ANXA11: variants seen among roughly 807,000 people sequenced by gnomAD.
The protein encoded by ANXA11 is 56 kDa autoantigen.
A neutral mutation model predicts 64.7 loss-of-function variants in ANXA11; 57 were observed. That is an observed-to-expected ratio of 0.88 (90% CI 0.71 to 1.10). ANXA11 has a LOEUF of 1.10. Among genes scored for constraint, ANXA11 ranks in the 50% least tolerant of loss-of-function variants. ANXA11 has a pLI of 0.00. For synonymous variants in ANXA11, 260 were observed against 265.2 expected (o/e 0.98, Z 0.19); for missense variants, 675 against 670.7 (o/e 1.01, Z -0.07).
chr10:80,174,311 C>T (rs368914197), intron 2 of ANXA11, among the ~76,000 whole-genome samples: 11 of 152,122 alleles, frequency 7.2e-5, no homozygotes, highest in African/African-American at 2.7e-4. Flanking sequence ...GGGTCTCACT[C>T]TGTAACCCAG....
intron 13 of ANXA11, 69 bp downstream of exon 13, chr10:80,159,031 G>T: frequency 8.3e-7 from 1 of 1,206,000 alleles, no homozygotes; most frequent in African/African-American, 1.5e-5. Flanking sequence ...TGGAGGACAG[G>T]CGAGCAGCCT....
At position 80,155,862 on chromosome 10, in the gene ANXA11, G is replaced by A; in HGVS notation, c.1509C>T (p.Gly503=). The A allele has an allele frequency of 1.9e-6, 3 of 1,614,186 alleles. No homozygotes were observed. In the South Asian group the frequency reaches 3.3e-5, roughly 18 times the overall value. The change falls in exon 16 of 16, where the codon GGC becomes GGT. Residue 503 remains glycine (G), a synonymous_variant. Transcript: ENST00000422982. Reference sequence around the variant, plus strand: ...AGCCACCAGTCACTGTTCAGTCATTGCCACCACAGATCTTCAGCAGAATCT... The same window carrying A: ...AGCCACCAGTCACTGTTCAGTCATTACCACCACAGATCTTCAGCAGAATCT... ...YRKILLKICG[G]ND
chr10:80,167,817 C>T (rs1356787697), intron 5 of ANXA11, among the ~76,000 whole-genome samples: 1 of 152,220 alleles, frequency 6.6e-6, no homozygotes, highest in Non-Finnish European at 1.5e-5. Context: ...TTCCCTCGCA[C>T]TGTTCTCTAG....
chr10:80,188,480 C>CATATATATATATATAT (rs71034291), intron 1 of ANXA11, among the ~76,000 whole-genome samples: 36 of 100,584 alleles, frequency 3.6e-4, no homozygotes, highest in East Asian at 6.7e-4. Context: ...AGTATTCTCA[C>CATATATATATATATAT]ATATATATAT....
chr10:80,184,986 T>C (rs761135092), intron 1 of ANXA11, among the ~76,000 whole-genome samples: 2 of 152,226 alleles, frequency 1.3e-5, no homozygotes, highest in Non-Finnish European at 2.9e-5. Context: ...TTATAACCTC[T>C]TCCTTCATTG....
At position 80,151,552 on chromosome 10, in the gene ANXA11, G is replaced by C. The variant is rs1165355558; in HGVS notation, c.*4301C>G. ...GGAAAGAGCCTACAGCAGAAATAAG[G>C]AGCCAGGTCCTAAGGTAGGGCTGTA... On this transcript the variant is annotated 3_prime_UTR_variant, in exon 16 of 16. Transcript: ENST00000422982. The C allele has an allele frequency of 6.6e-6, 1 of 152,162 alleles. No homozygotes were observed. The highest frequency in any genetic ancestry group is 1.5e-5 in the Non-Finnish European group (1 of 68,036). 9.4% of individuals were successfully genotyped at this position (152,162 alleles called of 1,614,324 possible).
Position 80,164,118 on chromosome 10 carries a change from A to C in ANXA11, c.884T>G (p.Leu295Arg), listed in dbSNP as rs761812500. The C allele has an allele frequency of 6.2e-7, 1 of 1,614,154 alleles. No homozygotes were observed. The highest frequency in any genetic ancestry group is 8.5e-7 in the Non-Finnish European group (1 of 1,179,992). ...GCTGCGGGAAGCGAGGATCTCAATC[A>C]GGCAGGCTTCATCAGTGCCAACCCC... ...IKGVGTDEAC[L>R]IEILASRSNE... The change falls in exon 9 of 16, where the codon CTG becomes CGG. Residue 295 changes from leucine to arginine, a missense_variant. Leu to Arg is a moderately radical substitution (Grantham distance 102, BLOSUM62 -2). Coordinates refer to ENST00000422982, the MANE Select transcript of ANXA11 (RefSeq NM_145868.2).
intron 1 of ANXA11, among the ~76,000 whole-genome samples, chr10:80,182,823 T>C (rs117726722): frequency 2.6e-5 from 4 of 152,188 alleles, no homozygotes; most frequent in Admixed American, 2.0e-4. Flanking sequence ...TAATGTGATA[T>C]AAGAAATATA....
rs1383726676 is a variant in ANXA11, at chr10:80,151,947, A to C, written c.*3906T>G. ...TGATCCTGATACACACTCAGGCTTG[A>C]AAACCACCACTTTAGGACCATCTAC... On this transcript the variant is annotated 3_prime_UTR_variant, in exon 16 of 16. Transcript: ENST00000422982. The C allele has an allele frequency of 6.6e-6, 1 of 152,208 alleles. No homozygotes were observed. Among genetic ancestry groups the C allele is most frequent in the East Asian group, 1.9e-4 (1 of 5,192 alleles). The allele number at this position is 152,208 out of a possible 1,614,324, so 9.4% of individuals were successfully genotyped here. A position where few individuals can be genotyped will look rare whatever the true frequency, so the allele number is the denominator to read the frequency against.
chr10:80,205,504 GC>G lies in ANXA11; in HGVS notation c.-220del, dbSNP rs1840638526. 6.6e-6 allele frequency: 1 copy of G among 152,074 alleles called. No homozygotes were observed. Among genetic ancestry groups the G allele is most frequent in the African/African-American group, 2.4e-5 (1 of 41,422 alleles). 9.4% of individuals were successfully genotyped at this position (152,074 alleles called of 1,614,324 possible). A position where few individuals can be genotyped will look rare whatever the true frequency, so the allele number is the denominator to read the frequency against. On this transcript the variant is annotated 5_prime_UTR_variant, in exon 1 of 16. Transcript: ENST00000422982. ...CACTCGGGGCACTGGGGAGCCGCGG[GC>G]GCAGCAGCCGTCAGCGCCGGGCGGA...
chr10:80,161,847 C>A, intron 12 of ANXA11, 88 bp downstream of exon 12: 1 of 1,192,786 alleles, frequency 8.4e-7, no homozygotes, highest in Non-Finnish European at 1.2e-6. Context: ...CAGGGAGGAA[C>A]GACCAAGTGT....
intron 5 of ANXA11, among the ~76,000 whole-genome samples, chr10:80,167,795 A>G (rs1413661294): frequency 1.3e-5 from 2 of 152,104 alleles, no homozygotes; most frequent in Non-Finnish European, 2.9e-5. Context: ...TGACCTCTTG[A>G]TCTAGCACTG....
chr10:80,168,958 C>A lies in ANXA11; in HGVS notation c.561+11G>T. The A allele has an allele frequency of 6.6e-7, 1 of 1,516,674 alleles. No homozygotes were observed. The highest frequency in any genetic ancestry group is 1.4e-5 in the African/African-American group (1 of 71,742). 94.0% of individuals were successfully genotyped at this position (1,516,674 alleles called of 1,614,324 possible). A position where few individuals can be genotyped will look rare whatever the true frequency, so the allele number is the denominator to read the frequency against. The stretch of plus-strand genomic sequence containing the variant: ...GGCCTGGACCAAGGGAGGCAGTGGG[C>A]TGACACTCACCTGGGTTGGGGGCAC... On this transcript the variant is annotated intron_variant, in intron 5 of 15. Transcript: ENST00000422982.
In ANXA11 at chr10:80,166,887, C is replaced by T. The variant is rs769390362; in HGVS notation, c.744+3G>A. Reference sequence around the variant, plus strand: ...TGTCCCGCGCCCCCACCCCGCAGCTCGCCTTGCCGTAAGCCGTCTTGAAGG... The same window carrying T: ...TGTCCCGCGCCCCCACCCCGCAGCTTGCCTTGCCGTAAGCCGTCTTGAAGG... On this transcript the variant is annotated splice_donor_region_variant and intron_variant, in intron 7 of 15. Coordinates refer to ENST00000422982, the MANE Select transcript of ANXA11 (RefSeq NM_145868.2). 5.0e-5 allele frequency: 80 copies of T among 1,601,358 alleles called. No homozygotes were observed. The highest frequency in any genetic ancestry group is 2.2e-4 in the South Asian group (20 of 89,186).
intron 13 of ANXA11, among the ~76,000 whole-genome samples, chr10:80,158,619 G>C (rs1166448224): frequency 6.6e-6 from 1 of 152,300 alleles, no homozygotes; most frequent in East Asian, 1.9e-4. Flanking sequence ...ACAGTGGGAG[G>C]GCCCTGCTAG....
At chr10:80,159,292 G>A (rs1259886792) in intron 12 of ANXA11, 97 bp from the exon 13 acceptor site, 10 of 954,256 alleles carry the variant, frequency 1.0e-5, no homozygotes, top group Admixed American at 1.9e-5. Context: ...GAATATAACC[G>A]TGTTTGGAGA....
chr10:80,156,059 G>A (rs1845263656), intron 15 of ANXA11, 147 bp from the exon 16 acceptor site: 4 of 752,372 alleles, frequency 5.3e-6, no homozygotes, highest in Non-Finnish European at 8.9e-6. Flanking sequence ...TGCAGCAGGC[G>A]TCACAGACCT....
intron 12 of ANXA11, among the ~76,000 whole-genome samples, chr10:80,159,795 C>T (rs891053586): frequency 3.9e-5 from 6 of 152,176 alleles, no homozygotes; most frequent in African/African-American, 1.4e-4. Flanking sequence ...CCTTAATACC[C>T]CTCCAGGGCC....
Position 80,164,012 on chromosome 10 carries a change from T to TGCAGAGG in ANXA11, c.949+34_949+40dup, listed in dbSNP as rs377206554. Reference sequence around the variant, plus strand: ...CCACAGCCCCAAGAGCACAGGGATCTGCAGAGGGCAGAGGGCAGAGGGCAG... The same window carrying TGCAGAGG: ...CCACAGCCCCAAGAGCACAGGGATCTGCAGAGGGCAGAGGGCAGAGGGCAGAGGGCAG... On this transcript the variant is annotated intron_variant, in intron 9 of 15. Transcript: ENST00000422982. 422 of 1,548,932 alleles carry TGCAGAGG rather than the reference T, an allele frequency of 2.7e-4. 1 individual carries two copies. Among genetic ancestry groups the TGCAGAGG allele is most frequent in the South Asian group, 1.6e-3 (139 of 89,248 alleles).
Sources: gnomAD v4.1 joint callset for allele counts (sites outside exome capture counted in the v4.1 genomes callset) on GRCh38, gnomAD v4.1.1 for gene constraint, MANE v1.5 for transcripts, NCBI Gene and HGNC (gene_info 2026-07-23, HGNC 2026-07-21) for gene names.